CACNA2D4: variants seen among roughly 807,000 people sequenced by gnomAD.
The protein encoded by CACNA2D4 is voltage-dependent calcium channel subunit alpha-2/delta-4.
In CACNA2D4, 157 loss-of-function variants were observed where a neutral mutation model predicts 163.8. The ratio of observed to expected loss-of-function variants is 0.96; its 90% CI spans 0.84 to 1.09. The LOEUF (loss-of-function observed/expected upper bound fraction) is 1.09, where lower values mean the gene tolerates loss of function less well. Among genes scored for constraint, CACNA2D4 ranks in the 50% least tolerant of loss-of-function variants. The probability of loss-of-function intolerance (pLI) is 0.00; values close to 1 mark genes in which losing one functional copy is unlikely to be tolerated. For missense variants in CACNA2D4, 1,410 were observed against 1,479.9 expected (o/e 0.95, Z 0.78); for synonymous variants, 598 against 586.9 (o/e 1.02, Z -0.27).
chr12:1,812,762 G>GC, intron 26 of CACNA2D4, among the ~76,000 whole-genome samples: 1 of 152,338 alleles, frequency 6.6e-6, no homozygotes, highest in Non-Finnish European at 1.5e-5. Flanking sequence ...CCCTGAAGCT[G>GC]CCTCCTCTCT....
chr12:1,848,286 C>G (rs1865196351), intron 23 of CACNA2D4, among the ~76,000 whole-genome samples: 1 of 152,222 alleles, frequency 6.6e-6, no homozygotes, highest in African/African-American at 2.4e-5. Flanking sequence ...GTGGAACAAA[C>G]AGAGCGACAA....
At chr12:1,865,803 A>T (rs1445905829) in intron 18 of CACNA2D4, among the ~76,000 whole-genome samples, 2 of 152,218 alleles carry the variant, frequency 1.3e-5, no homozygotes, top group Non-Finnish European at 2.9e-5. Context: ...TTCCTGGACC[A>T]AAAATATTCC....
At chr12:1,850,268 G>C (rs1299803304) in intron 23 of CACNA2D4, among the ~76,000 whole-genome samples, 1 of 152,218 alleles carries the variant, frequency 6.6e-6, no homozygotes, top group African/African-American at 2.4e-5. Flanking sequence ...CAGTCTGAGA[G>C]GCGAGAAGTC....
chr12:1,817,946 TCG>T (rs1863935546), intron 26 of CACNA2D4, among the ~76,000 whole-genome samples: 1 of 148,388 alleles, frequency 6.7e-6, no homozygotes, highest in African/African-American at 2.5e-5. Flanking sequence ...TGGCCGCCCA[TCG>T]TCTGGGATGT....
At chr12:1,825,415 G>A (rs2887631) in intron 26 of CACNA2D4, among the ~76,000 whole-genome samples, 111,819 of 152,122 alleles carry the variant, frequency 0.74, 41,266 homozygotes, top group East Asian at 0.88. Flanking sequence ...ATGGGCCCTG[G>A]GCAGAGGAGG....
chr12:1,828,506 C>T lies in CACNA2D4; in HGVS notation c.2551+12233G>A, dbSNP rs899275637. 1.3e-5 allele frequency among the ~76,000 whole-genome samples: 2 copies of T among 152,230 alleles called. No individual in the cohort carries two copies. On this transcript the variant is annotated intron_variant, in intron 26 of 37. Coordinates refer to ENST00000382722, the MANE Select transcript of CACNA2D4 (RefSeq NM_172364.5). The surrounding 1 kb of genome is among the most constrained non-coding windows in gnomAD (Gnocchi z 4.2). ...AGTCTCTGTGAGCTTGCTGGGGTCC[C>T]CAACAGGAGAAGAGCTCTGCTGGAA...
rs867247285 is a variant in CACNA2D4 at position 1,917,602 on chromosome 12, C to G, written c.227+645G>C. Among the ~76,000 whole-genome samples the G allele has an allele frequency of 2.6e-5, 4 of 152,162 alleles. No homozygotes were observed. The highest frequency in any genetic ancestry group is 4.4e-5 in the Non-Finnish European group (3 of 68,028). On this transcript the variant is annotated intron_variant, in intron 1 of 37. Coordinates refer to ENST00000382722, the MANE Select transcript of CACNA2D4 (RefSeq NM_172364.5). This position sits in a 1 kb window ranked among gnomAD's most constrained non-coding sequence, Gnocchi z 4.3. ...ACACAGACACCCCAGAGAGGTTGCA[C>G]AGTAATTTACATGTACACCAAGGTG...
rs535296421 is a variant in CACNA2D4, at chr12:1,875,561, C to T, written c.1720-224G>A. Among the ~76,000 whole-genome samples, 7 of 152,274 alleles carry T rather than the reference C, an allele frequency of 4.6e-5. No individual in the cohort carries two copies. The highest frequency in any genetic ancestry group is 1.0e-4 in the Non-Finnish European group (7 of 68,014). The stretch of plus-strand genomic sequence containing the variant: ...GTCTCACGGCCTCTGAGTGAATCTT[C>T]CCCATGGCAGGGAGCTCCCTATCTC... On this transcript the variant is annotated intron_variant, in intron 16 of 37. Transcript: ENST00000382722. This position sits in a 1 kb window ranked among gnomAD's most constrained non-coding sequence, Gnocchi z 4.0.
chr12:1,885,894 T>TACAGAG, intron 9 of CACNA2D4, 71 bp downstream of exon 9: 1 of 1,126,242 alleles, frequency 8.9e-7, no homozygotes, highest in Non-Finnish European at 1.3e-6. Flanking sequence ...AGAAACAGTC[T>TACAGAG]ACAGAGACAA....
chr12:1,893,071 C>A (rs1866324292), intron 6 of CACNA2D4, among the ~76,000 whole-genome samples: 1 of 152,136 alleles, frequency 6.6e-6, no homozygotes, highest in Non-Finnish European at 1.5e-5. Context: ...CCACTCTCAG[C>A]ATTATGTAGA....
In CACNA2D4 at chr12:1,875,326, C is replaced by T; in HGVS notation, c.1731G>A (p.Gly577=). 1 of 1,612,940 alleles carries T rather than the reference C, an allele frequency of 6.2e-7. No individual in the cohort carries two copies. Among genetic ancestry groups the T allele is most frequent in the African/African-American group, 1.3e-5 (1 of 75,038 alleles). ...HPDLRPLYRE[G]KKLKPKPNYN... is the part of the protein sequence containing the mutation. ...AGTTAGGTTTGGGTTTTAGTTTCTT[C>T]CCCTCTCTGTACTGGAGTGGGCAGG... is the stretch of plus-strand genomic sequence containing the variant. Residue 577 remains glycine (G), a synonymous_variant, in exon 17 of 38, where the codon GGG becomes GGA. Transcript: ENST00000382722. This position sits in a 1 kb window ranked among gnomAD's most constrained non-coding sequence, Gnocchi z 4.0.
At position 1,884,863 on chromosome 12, in the gene CACNA2D4, C is replaced by T; in HGVS notation, c.1177G>A (p.Gly393Arg). The change falls in exon 11 of 38, where the codon GGA becomes AGA. Residue 393 changes from glycine to arginine, a missense_variant. Physicochemically the swap from Gly to Arg is moderately radical, Grantham distance 125. Coordinates refer to ENST00000382722, the MANE Select transcript of CACNA2D4 (RefSeq NM_172364.5). ...ATGATGGCCTGGTTGCAGAGGCTTC[C>T]TTGCTTGGCCTCTTGGAACTGTGTA... is the stretch of plus-strand genomic sequence containing the variant. ...ILKQFQEAKQ[G>R]SLCNQAIMLI... 1 of 1,613,700 alleles carries T rather than the reference C, an allele frequency of 6.2e-7. No homozygotes were observed. The highest frequency in any genetic ancestry group is 1.7e-5 in the Admixed American group (1 of 60,002).
At chr12:1,887,601 G>A (rs1382131135) in intron 6 of CACNA2D4, among the ~76,000 whole-genome samples, 1 of 152,172 alleles carries the variant, frequency 6.6e-6, no homozygotes, top group African/African-American at 2.4e-5. Flanking sequence ...ATAAATGTCT[G>A]TTACTTGAAT....
At chr12:1,866,632 T>G (rs1046698249) in intron 18 of CACNA2D4, among the ~76,000 whole-genome samples, 2 of 152,122 alleles carry the variant, frequency 1.3e-5, no homozygotes, top group South Asian at 4.1e-4. Context: ...TTTTGTTGTT[T>G]GTTTTGGAGA....
intron 18 of CACNA2D4, among the ~76,000 whole-genome samples, chr12:1,871,732 C>T (rs143313705): frequency 4.1e-4 from 62 of 152,050 alleles, no homozygotes; most frequent in African/African-American, 1.5e-3. Context: ...CATGTGTGTA[C>T]AATACACGTG....
chr12:1,882,643 G>A lies in CACNA2D4; in HGVS notation c.1485+224C>T, dbSNP rs577739908. Among the ~76,000 whole-genome samples the A allele has an allele frequency of 2.8e-4, 42 of 152,278 alleles. 1 individual carries two copies. The Middle Eastern group carries it at 0.014, about 49-fold the overall frequency. ...GGAGAGCACCTCAGGCAGGTCTGCT[G>A]GGGGTCTAAGGCAGCATATGAGCAG... On this transcript the variant is annotated intron_variant, in intron 13 of 37. Coordinates refer to ENST00000382722, the MANE Select transcript of CACNA2D4 (RefSeq NM_172364.5).
chr12:1,821,290 G>C (rs1299473021), intron 26 of CACNA2D4, among the ~76,000 whole-genome samples: 2 of 152,176 alleles, frequency 1.3e-5, no homozygotes, highest in South Asian at 2.1e-4. Context: ...GCAGGGAGGA[G>C]GTCCTGGATG....
intron 18 of CACNA2D4, among the ~76,000 whole-genome samples, chr12:1,871,941 A>G (rs983708261): frequency 9.2e-5 from 14 of 152,198 alleles, no homozygotes; most frequent in African/African-American, 3.1e-4. Flanking sequence ...AGACTCCAGG[A>G]CACTTTGCTC....
chr12:1,842,374 C>G (rs1470650526), intron 25 of CACNA2D4, among the ~76,000 whole-genome samples: 5 of 152,198 alleles, frequency 3.3e-5, no homozygotes, highest in Non-Finnish European at 7.3e-5. Flanking sequence ...CCTAGAGAGA[C>G]AGGCGAGCTT....
Sources: gnomAD v4.1 joint callset for allele counts (sites outside exome capture counted in the v4.1 genomes callset) on GRCh38, gnomAD v4.1.1 for gene constraint, Gnocchi (gnomAD v3.1) non-coding constraint, MANE v1.5 for transcripts, NCBI Gene and HGNC (gene_info 2026-07-23, HGNC 2026-07-21) for gene names.